The following CCDC178 variants were observed in gnomAD, a reference collection of about 807,000 sequenced individuals.
CCDC178 encodes the protein coiled-coil domain containing 178.
Under a neutral mutation model 117.4 loss-of-function variants are expected in CCDC178, and 126 were observed. That is an observed-to-expected ratio of 1.07 (90% CI 0.93 to 1.24). The LOEUF (loss-of-function observed/expected upper bound fraction) is 1.24. CCDC178 is among the 50% of genes most tolerant of loss of function. The pLI, the probability that CCDC178 is intolerant of heterozygous loss-of-function variation, is 0.00. For synonymous variants in CCDC178, 283 were observed against 313.4 expected, an observed-to-expected ratio of 0.90 and a Z score of 1.02; for missense variants, 1,030 against 986.9, an observed-to-expected ratio of 1.04 and a Z score of -0.59.
At chr18:33,083,884 T>C (rs1380685858) in intron 21 of CCDC178, among the ~76,000 whole-genome samples, 4 of 152,256 alleles carry the variant, frequency 2.6e-5, no homozygotes, top group African/African-American at 4.8e-5. Flanking sequence ...CAAGATCAGA[T>C]ACCTATTCAA....
At chr18:33,224,972 T>A in intron 16 of CCDC178, 36 bp from the exon 17 acceptor site, 1 of 1,441,398 alleles carries the variant, frequency 6.9e-7, no homozygotes, top group Non-Finnish European at 9.2e-7. Context: ...CATTCAGTTA[T>A]TAACTTAAAC....
chr18:33,349,938 T>C (rs1202541741), intron 7 of CCDC178, among the ~76,000 whole-genome samples: 3 of 151,992 alleles, frequency 2.0e-5, no homozygotes. Context: ...TTCATATTTC[T>C]AATGGCTACA....
intron 14 of CCDC178, among the ~76,000 whole-genome samples, chr18:33,263,991 A>G (rs1292289334): frequency 6.6e-6 from 1 of 152,120 alleles, no homozygotes. Flanking sequence ...AGCAAATTAC[A>G]AAGACTACAG....
chr18:33,403,032 A>G (rs2063730205), intron 3 of CCDC178, among the ~76,000 whole-genome samples: 1 of 152,182 alleles, frequency 6.6e-6, no homozygotes, highest in Non-Finnish European at 1.5e-5. Flanking sequence ...CTTCAGTCTC[A>G]TCTCTCACCC....
rs199576228 is a variant in CCDC178, at chr18:33,044,055, GTGTGTGTGTGTGTA to G, written c.2388+48692_2388+48705del. ...CACACACACACCAGCATATGTGTGT[GTGTGTGTGTGTGTA>G]TGTGTGTGTGTGTATGTTTGTGTGT... On this transcript the variant is annotated intron_variant, in intron 21 of 22. Transcript: ENST00000383096. Among the ~76,000 whole-genome samples the G allele has an allele frequency of 6.7e-3, 1,012 of 151,602 alleles. 11 individuals carry two copies. The highest frequency in any genetic ancestry group is 5.3e-3 in the Non-Finnish European group (361 of 67,782).
intron 12 of CCDC178, among the ~76,000 whole-genome samples, chr18:33,270,180 TCTAGA>T (rs549804673): frequency 5.7e-4 from 87 of 151,396 alleles, no homozygotes; most frequent in Non-Finnish European, 8.1e-4. Flanking sequence ...ACTGAGATTA[TCTAGA>T]CTAAAGAACA....
chr18:33,268,347 G>A (rs2059845062), intron 12 of CCDC178, among the ~76,000 whole-genome samples: 1 of 151,814 alleles, frequency 6.6e-6, no homozygotes, highest in Non-Finnish European at 1.5e-5. Flanking sequence ...TTCAGAAAAT[G>A]ATATCTGAAT....
At chr18:33,247,787 T>C (rs2059568725) in intron 14 of CCDC178, among the ~76,000 whole-genome samples, 1 of 151,894 alleles carries the variant, frequency 6.6e-6, no homozygotes, top group South Asian at 2.1e-4. Flanking sequence ...TATACATGTA[T>C]TTGTTTTGTG....
At chr18:32,975,689 G>A (rs1418791165) in intron 21 of CCDC178, among the ~76,000 whole-genome samples, 1 of 151,954 alleles carries the variant, frequency 6.6e-6, no homozygotes, top group East Asian at 1.9e-4. Flanking sequence ...TTGGGGATGT[G>A]GATAATTGCT....
At chr18:33,162,298 G>A (rs538601640) in intron 20 of CCDC178, among the ~76,000 whole-genome samples, 36 of 152,158 alleles carry the variant, frequency 2.4e-4, no homozygotes, top group Admixed American at 1.1e-3. Context: ...TAACCTGCAC[G>A]TTGTGCACAT....
intron 20 of CCDC178, among the ~76,000 whole-genome samples, chr18:33,170,157 G>A (rs998504818): frequency 3.9e-5 from 6 of 151,984 alleles, no homozygotes; most frequent in Admixed American, 6.6e-5. Flanking sequence ...TCAGGAAGAC[G>A]TCCTTCTCTA....
intron 21 of CCDC178, among the ~76,000 whole-genome samples, chr18:33,023,783 A>C (rs1391073371): frequency 6.6e-6 from 1 of 152,162 alleles, no homozygotes; most frequent in Admixed American, 6.5e-5. Context: ...AAAGATCTAA[A>C]TATATCTCTA....
intron 21 of CCDC178, among the ~76,000 whole-genome samples, chr18:33,029,780 CTTAT>C (rs2056300279): frequency 6.6e-6 from 1 of 151,758 alleles, no homozygotes; most frequent in African/African-American, 2.4e-5. Flanking sequence ...TTTAATTTTA[CTTAT>C]TTGTAATTTT....
chr18:33,224,717 G>T, intron 17 of CCDC178, 58 bp downstream of exon 17: 2 of 1,102,940 alleles, frequency 1.8e-6, no homozygotes, highest in South Asian at 2.3e-5. Context: ...AATCACATGC[G>T]TAACTTACTA....
At chr18:32,943,432 T>G (rs2054281849) in intron 22 of CCDC178, among the ~76,000 whole-genome samples, 1 of 152,182 alleles carries the variant, frequency 6.6e-6, no homozygotes. Context: ...TTTTTTTCTT[T>G]TAGGAAACTA....
At chr18:33,129,271 G>C (rs1481693799) in intron 20 of CCDC178, among the ~76,000 whole-genome samples, 2 of 152,066 alleles carry the variant, frequency 1.3e-5, no homozygotes, top group African/African-American at 4.8e-5. Flanking sequence ...TTGAGTGCAA[G>C]ACACTAGTTA....
intron 20 of CCDC178, among the ~76,000 whole-genome samples, chr18:33,138,064 A>G (rs1190530870): frequency 6.6e-6 from 1 of 152,234 alleles, no homozygotes; most frequent in Non-Finnish European, 1.5e-5. Context: ...CTAGTCTCAC[A>G]TGAGTTCAAA....
chr18:33,340,242 T>C (rs2062799142), intron 9 of CCDC178, among the ~76,000 whole-genome samples: 1 of 152,120 alleles, frequency 6.6e-6, no homozygotes, highest in Admixed American at 6.5e-5. Context: ...CAGAGATATA[T>C]GGAACTTTGA....
intron 20 of CCDC178, among the ~76,000 whole-genome samples, chr18:33,121,097 G>A (rs2057930587): frequency 6.6e-6 from 1 of 152,042 alleles, no homozygotes; most frequent in Admixed American, 6.6e-5. Flanking sequence ...CTTACTCTAG[G>A]TGTTGCTATG....
Sources: allele counts gnomAD v4.1 joint callset (sites outside exome capture counted in the v4.1 genomes callset), GRCh38; gene constraint gnomAD v4.1.1; transcripts MANE v1.5; gene names NCBI Gene and HGNC (gene_info 2026-07-23, HGNC 2026-07-21).